The following DRC11 variants were observed in gnomAD, a reference collection of about 807,000 sequenced individuals.
The protein encoded by DRC11 is IQ and AAA domain-containing protein 1.
At chr2:236,421,372 G>C in the DRC11 span, among the ~76,000 whole-genome samples, 1 of 152,130 alleles carries the variant, frequency 6.6e-6, no homozygotes, top group African/African-American at 2.4e-5. Flanking sequence ...AAATGTTAAA[G>C]GGGATATCAC....
the DRC11 span, among the ~76,000 whole-genome samples, chr2:236,358,588 A>G: frequency 6.9e-6 from 1 of 145,832 alleles, no homozygotes; most frequent in Admixed American, 6.8e-5. Context: ...TTGAGTCTGT[A>G]TAATAGTAAA....
At chr2:236,419,033 A>G in the DRC11 span, 1 of 1,389,424 alleles carries the variant, frequency 7.2e-7, no homozygotes, top group Non-Finnish European at 9.4e-7. The surrounding 1 kb of genome is among the most constrained non-coding windows in gnomAD (Gnocchi z 4.8). Context: ...TGGTTTCTCT[A>G]GGAAACAAAC....
chr2:236,357,784 A>G, the DRC11 span, among the ~76,000 whole-genome samples: 36 of 126,720 alleles, frequency 2.8e-4, no homozygotes, highest in African/African-American at 1.1e-3. Context: ...AATATATGTT[A>G]TATATACATA....
chr2:236,446,165 TCCCGACTGAGCCTC>T, the DRC11 span, among the ~76,000 whole-genome samples: 1 of 152,146 alleles, frequency 6.6e-6, no homozygotes, highest in Admixed American at 6.5e-5. The surrounding 1 kb of genome is among the most constrained non-coding windows in gnomAD (Gnocchi z 6.2). Flanking sequence ...TCCTGACACA[TCCCGACTGAGCCTC>T]CTCAGAATCA....
At chr2:236,375,148 T>G in the DRC11 span, among the ~76,000 whole-genome samples, 1 of 152,140 alleles carries the variant, frequency 6.6e-6, no homozygotes, top group African/African-American at 2.4e-5. The surrounding 1 kb of genome is among the most constrained non-coding windows in gnomAD (Gnocchi z 4.2). Context: ...CTGGGGATTA[T>G]AATTCTACAT....
the DRC11 span, chr2:236,368,381 G>A: frequency 1.9e-5 from 14 of 731,600 alleles, no homozygotes; most frequent in African/African-American, 2.1e-4. Flanking sequence ...TCTGCAAAAC[G>A]ATCGGAGAAT....
the DRC11 span, chr2:236,324,556 C>T: frequency 1.6e-6 from 1 of 616,858 alleles, no homozygotes; most frequent in South Asian, 1.9e-5. The surrounding 1 kb of genome is among the most constrained non-coding windows in gnomAD (Gnocchi z 5.7). Context: ...GTTCCTTCCC[C>T]TGAGGGCTTC....
the DRC11 span, chr2:236,363,775 C>T: frequency 6.2e-7 from 1 of 1,600,210 alleles, no homozygotes; most frequent in Non-Finnish European, 8.6e-7. The surrounding 1 kb of genome is among the most constrained non-coding windows in gnomAD (Gnocchi z 5.6). Flanking sequence ...AAATGTAATC[C>T]ATACCTTGAA....
At chr2:236,397,908 C>G in the DRC11 span, among the ~76,000 whole-genome samples, 1 of 152,262 alleles carries the variant, frequency 6.6e-6, no homozygotes, top group South Asian at 2.1e-4. This position sits in a 1 kb window ranked among gnomAD's most constrained non-coding sequence, Gnocchi z 5.0. Flanking sequence ...CTTTATATCT[C>G]TGGGCTAGCA....
chr2:236,327,718 C>T, the DRC11 span, among the ~76,000 whole-genome samples: 933 of 151,126 alleles, frequency 6.2e-3, 9 homozygotes, highest in African/African-American at 0.022. Context: ...GAGTTTCGCT[C>T]GTTGCCCAGG....
the DRC11 span, among the ~76,000 whole-genome samples, chr2:236,374,199 G>A: frequency 6.6e-6 from 1 of 151,984 alleles, no homozygotes; most frequent in East Asian, 1.9e-4. Context: ...ATTTAGTTTT[G>A]GTGCAAGTGT....
At chr2:236,433,398 G>A in the DRC11 span, among the ~76,000 whole-genome samples, 2 of 152,152 alleles carry the variant, frequency 1.3e-5, no homozygotes, top group Non-Finnish European at 2.9e-5. Context: ...AGCATGATAT[G>A]CTTTTCCATT....
the DRC11 span, among the ~76,000 whole-genome samples, chr2:236,313,757 A>G: frequency 1.3e-5 from 2 of 152,242 alleles, no homozygotes; most frequent in African/African-American, 4.8e-5. This position sits in a 1 kb window ranked among gnomAD's most constrained non-coding sequence, Gnocchi z 4.5. Context: ...AATACATGCA[A>G]CAACATGGGA....
the DRC11 span, among the ~76,000 whole-genome samples, chr2:236,347,083 A>C: frequency 6.6e-6 from 1 of 152,216 alleles, no homozygotes; most frequent in Non-Finnish European, 1.5e-5. Flanking sequence ...CCCCAGAAGC[A>C]TGCTAACATA....
the DRC11 span, among the ~76,000 whole-genome samples, chr2:236,427,695 T>C: frequency 6.6e-6 from 1 of 152,124 alleles, no homozygotes; most frequent in African/African-American, 2.4e-5. This position sits in a 1 kb window ranked among gnomAD's most constrained non-coding sequence, Gnocchi z 5.9. Context: ...CAACTCTTAG[T>C]TTACTTTTTC....
the DRC11 span, among the ~76,000 whole-genome samples, chr2:236,339,704 A>G: frequency 6.6e-6 from 1 of 152,192 alleles, no homozygotes; most frequent in Non-Finnish European, 1.5e-5. Context: ...CTTTGTCAAA[A>G]CGAACTGTAA....
chr2:236,465,386 TA>T, the DRC11 span: 1 of 852,892 alleles, frequency 1.2e-6, no homozygotes, highest in Non-Finnish European at 1.8e-6. The surrounding 1 kb of genome is among the most constrained non-coding windows in gnomAD (Gnocchi z 6.2). Context: ...TTCACGTTTC[TA>T]AAACGAAGCC....
At chr2:236,343,562 G>T in the DRC11 span, 1 of 442,478 alleles carries the variant, frequency 2.3e-6, no homozygotes, top group Admixed American at 2.6e-5. The surrounding 1 kb of genome is among the most constrained non-coding windows in gnomAD (Gnocchi z 6.6). Flanking sequence ...GTGGGAGAGG[G>T]AGTAGCCCCT....
the DRC11 span, among the ~76,000 whole-genome samples, chr2:236,411,797 C>G: frequency 6.9e-6 from 1 of 145,950 alleles, no homozygotes; most frequent in Non-Finnish European, 1.5e-5. Flanking sequence ...ATCGCAAGAA[C>G]AAAAAACCAA....
Sources: gnomAD v4.1 joint callset for allele counts (sites outside exome capture counted in the v4.1 genomes callset) on GRCh38, gnomAD v4.1.1 for gene constraint, Gnocchi (gnomAD v3.1) non-coding constraint, MANE v1.5 for transcripts, NCBI Gene and HGNC (gene_info 2026-07-23, HGNC 2026-07-21) for gene names.